The following ATP8A2 variants were observed in gnomAD, a reference collection of about 807,000 sequenced individuals.
The protein encoded by ATP8A2 is phospholipid-transporting ATPase IB.
A neutral mutation model predicts 165.6 loss-of-function variants in ATP8A2; 100 were observed. The observed-to-expected ratio is 0.60, with a 90% CI of 0.51 to 0.71. ATP8A2 has a LOEUF of 0.71. Ranked by LOEUF, ATP8A2 falls within the 30% of genes least tolerant of loss-of-function variation. The pLI, the probability that ATP8A2 is intolerant of heterozygous loss-of-function variation, is 0.00. For synonymous variants in ATP8A2, 543 were observed against 548.8 expected (o/e 0.99, Z 0.15); for missense variants, 1,227 against 1,479.5 (o/e 0.83, Z 2.80).
intron 25 of ATP8A2, among the ~76,000 whole-genome samples, chr13:25,765,643 C>T (rs1593312281): frequency 6.6e-6 from 1 of 151,994 alleles, no homozygotes; most frequent in African/African-American, 2.4e-5. Flanking sequence ...CTTTATATAC[C>T]CTGGTCAGGT....
chr13:25,885,403 G>T (rs867063174), intron 33 of ATP8A2, among the ~76,000 whole-genome samples: 2 of 152,058 alleles, frequency 1.3e-5, no homozygotes, highest in South Asian at 4.2e-4. Context: ...ATGAGCCACC[G>T]CACCAAGCCC....
At chr13:26,009,625 A>G (rs903254380) in intron 35 of ATP8A2, among the ~76,000 whole-genome samples, 1 of 152,114 alleles carries the variant, frequency 6.6e-6, no homozygotes, top group Non-Finnish European at 1.5e-5. Context: ...AGGGACTTCT[A>G]GGGTCCCAAA....
At chr13:25,845,365 G>A (rs761992913) in intron 30 of ATP8A2, among the ~76,000 whole-genome samples, 1 of 152,128 alleles carries the variant, frequency 6.6e-6, no homozygotes, top group Non-Finnish European at 1.5e-5. Context: ...TTTTAAAAAA[G>A]GAAGTATTCA....
chr13:25,437,770 T>C (rs1323931399), intron 1 of ATP8A2, among the ~76,000 whole-genome samples: 1 of 152,172 alleles, frequency 6.6e-6, no homozygotes, highest in Non-Finnish European at 1.5e-5. Flanking sequence ...TTATCTGAAG[T>C]CTAAAGAATA....
chr13:25,550,340 C>T (rs951093600), intron 10 of ATP8A2, among the ~76,000 whole-genome samples: 4 of 151,982 alleles, frequency 2.6e-5, no homozygotes, highest in Non-Finnish European at 4.4e-5. Context: ...CGCAGTGCCC[C>T]ACAAGTAGGA....
intron 35 of ATP8A2, among the ~76,000 whole-genome samples, chr13:25,990,799 A>C (rs1168988124): frequency 2.6e-5 from 4 of 152,224 alleles, no homozygotes. Flanking sequence ...TTGTAAATGC[A>C]CAGAGCCTAG....
intron 33 of ATP8A2, among the ~76,000 whole-genome samples, chr13:25,869,552 C>G (rs950786111): frequency 6.6e-6 from 1 of 152,112 alleles, no homozygotes; most frequent in Admixed American, 6.5e-5. Context: ...TCCATACTTG[C>G]GTTATTTCTG....
At chr13:26,010,436 A>G (rs1956822441) in intron 35 of ATP8A2, among the ~76,000 whole-genome samples, 1 of 152,214 alleles carries the variant, frequency 6.6e-6, no homozygotes, top group South Asian at 2.1e-4. Context: ...TCAGTTGCCC[A>G]TTATGTCCCC....
At position 25,430,742 on chromosome 13, in the gene ATP8A2, C is replaced by T. The variant is rs748975122; in HGVS notation, c.77-38235C>T. Among the ~76,000 whole-genome samples, 29 of 151,960 alleles carry T rather than the reference C, an allele frequency of 1.9e-4. 1 individual carries two copies. Among genetic ancestry groups the T allele is most frequent in the Non-Finnish European group, 2.9e-5 (2 of 67,982 alleles). ...CCTCCTGAGTAGCTGGGATTACAGG[C>T]GCCCACCACCATGCCCAGCAAATTT... is the stretch of plus-strand genomic sequence containing the variant. On this transcript the variant is annotated intron_variant, in intron 1 of 36. Coordinates refer to ENST00000381655, the MANE Select transcript of ATP8A2 (RefSeq NM_016529.6).
chr13:25,815,663 G>T (rs1355122086), intron 27 of ATP8A2, among the ~76,000 whole-genome samples: 1 of 152,152 alleles, frequency 6.6e-6, no homozygotes, highest in Non-Finnish European at 1.5e-5. Context: ...ATTACTATAT[G>T]ATCCAGCAAT....
At chr13:25,489,898 T>C (rs1189665164) in intron 2 of ATP8A2, among the ~76,000 whole-genome samples, 1 of 152,238 alleles carries the variant, frequency 6.6e-6, no homozygotes, top group Non-Finnish European at 1.5e-5. Flanking sequence ...CAGATGGATA[T>C]CTACCCTCAA....
chr13:25,814,996 T>C (rs1950973936), intron 27 of ATP8A2, among the ~76,000 whole-genome samples: 3 of 151,684 alleles, frequency 2.0e-5, no homozygotes, highest in African/African-American at 7.3e-5. Flanking sequence ...ATTATACCAC[T>C]GCATTCCAGC....
intron 2 of ATP8A2, among the ~76,000 whole-genome samples, chr13:25,512,341 T>C (rs1031997342): frequency 7.9e-5 from 12 of 152,024 alleles, no homozygotes; most frequent in African/African-American, 2.9e-4. Flanking sequence ...TTCCCCCCTT[T>C]CTATTCCACA....
intron 2 of ATP8A2, among the ~76,000 whole-genome samples, chr13:25,482,696 T>C (rs1390342991): frequency 6.6e-6 from 1 of 152,206 alleles, no homozygotes. Context: ...GATTGAATCA[T>C]GGGGGCGGTT....
chr13:25,727,904 C>G (rs1308156426), intron 25 of ATP8A2, among the ~76,000 whole-genome samples: 1 of 152,122 alleles, frequency 6.6e-6, no homozygotes, highest in Non-Finnish European at 1.5e-5. Flanking sequence ...GGCCATATCC[C>G]TAACTCTGGA....
In ATP8A2 at chr13:25,835,775, C is replaced by A. The variant is rs150569955; in HGVS notation, c.2755-1388C>A. ...GCAAGGCACCATCTGCCCAAGAACT[C>A]ATTGTCACTGGAGATTGTTTGGTCT... is the stretch of plus-strand genomic sequence containing the variant. On this transcript the variant is annotated intron_variant, in intron 28 of 36. Coordinates refer to ENST00000381655, the MANE Select transcript of ATP8A2 (RefSeq NM_016529.6). Among the ~76,000 whole-genome samples, 233 of 152,298 alleles carry A rather than the reference C, an allele frequency of 1.5e-3. 1 individual carries two copies. Among genetic ancestry groups the A allele is most frequent in the African/African-American group, 5.0e-3 (206 of 41,558 alleles).
At chr13:25,832,747 G>A in intron 28 of ATP8A2, among the ~76,000 whole-genome samples, 1 of 152,104 alleles carries the variant, frequency 6.6e-6, no homozygotes. Flanking sequence ...TGCCCAAAAT[G>A]GTAAAATTCT....
At chr13:25,594,984 G>GTGTA (rs150738527) in intron 24 of ATP8A2, among the ~76,000 whole-genome samples, 12,010 of 142,632 alleles carry the variant, frequency 0.084, 587 homozygotes, top group Non-Finnish European at 0.13. Context: ...GTGTGTGTGT[G>GTGTA]TATATATATA....
At chr13:25,714,619 A>T (rs1274705285) in intron 25 of ATP8A2, among the ~76,000 whole-genome samples, 1 of 152,228 alleles carries the variant, frequency 6.6e-6, no homozygotes, top group Non-Finnish European at 1.5e-5. Flanking sequence ...CACTCAATAA[A>T]TATTGGTGAA....
Sources: gnomAD v4.1 joint callset for allele counts (sites outside exome capture counted in the v4.1 genomes callset) on GRCh38, gnomAD v4.1.1 for gene constraint, MANE v1.5 for transcripts, NCBI Gene and HGNC (gene_info 2026-07-23, HGNC 2026-07-21) for gene names.